LAMA3: variants seen among roughly 807,000 people sequenced by gnomAD.
LAMA3 encodes laminin subunit alpha-3.
Under a neutral mutation model 402.0 loss-of-function variants are expected in LAMA3, and 281 were observed. The ratio of observed to expected loss-of-function variants is 0.70; its 90% CI spans 0.63 to 0.77. The LOEUF (loss-of-function observed/expected upper bound fraction) is 0.77, where lower values mean the gene tolerates loss of function less well. Ranked by LOEUF, LAMA3 falls within the 30% of genes least tolerant of loss-of-function variation. The probability of loss-of-function intolerance (pLI) is 0.00; values close to 1 mark genes in which losing one functional copy is unlikely to be tolerated. For synonymous variants in LAMA3, 1,431 were observed against 1,558.4 expected, an observed-to-expected ratio of 0.92 and a Z score of 1.93; for missense variants, 3,840 against 4,215.5, an observed-to-expected ratio of 0.91 and a Z score of 2.47.
At chr18:23,779,716 T>C in intron 11 of LAMA3, among the ~76,000 whole-genome samples, 1 of 151,646 alleles carries the variant, frequency 6.6e-6, no homozygotes, top group East Asian at 1.9e-4. Context: ...GGGCTCGGGG[T>C]TGAGTAGGGA....
chr18:23,827,761 A>T (rs1214220766), intron 23 of LAMA3, among the ~76,000 whole-genome samples: 1 of 152,110 alleles, frequency 6.6e-6, no homozygotes, highest in African/African-American at 2.4e-5. Context: ...CCTGTTCTAC[A>T]TGATTCAGGG....
intron 60 of LAMA3, 91 bp downstream of exon 60, chr18:23,916,786 G>C: frequency 8.0e-7 from 1 of 1,253,008 alleles, no homozygotes; most frequent in South Asian, 1.2e-5. Flanking sequence ...TGACCCACTA[G>C]ATCTGGAAAA....
At chr18:23,790,349 A>G (rs1050932906) in intron 12 of LAMA3, among the ~76,000 whole-genome samples, 8 of 152,246 alleles carry the variant, frequency 5.3e-5, no homozygotes, top group African/African-American at 1.9e-4. Flanking sequence ...GTGTAGAGAA[A>G]ATAAATCTCT....
At chr18:23,905,162 A>G (rs2081200217) in intron 51 of LAMA3, among the ~76,000 whole-genome samples, 1 of 152,228 alleles carries the variant, frequency 6.6e-6, no homozygotes, top group Admixed American at 6.5e-5. Flanking sequence ...TCAGGGGGAC[A>G]GGCCTTCTTG....
chr18:23,692,530 C>A (rs991463996), intron 1 of LAMA3, among the ~76,000 whole-genome samples: 1 of 152,160 alleles, frequency 6.6e-6, no homozygotes, highest in African/African-American at 2.4e-5. Context: ...CCTTGGCCTC[C>A]CAAAGTGCTA....
intron 13 of LAMA3, 82 bp downstream of exon 13, chr18:23,810,585 C>T: frequency 6.6e-7 from 1 of 1,507,788 alleles, no homozygotes; most frequent in Non-Finnish European, 9.2e-7. Context: ...CCTGCAAATC[C>T]CCCACAGACT....
At chr18:23,849,763 C>T (rs2063902554) in intron 32 of LAMA3, among the ~76,000 whole-genome samples, 1 of 152,166 alleles carries the variant, frequency 6.6e-6, no homozygotes, top group Non-Finnish European at 1.5e-5. Context: ...CTGACAGCAT[C>T]AACAGAAATG....
chr18:23,810,381 C>T lies in LAMA3; in HGVS notation c.1619C>T (p.Ala540Val), dbSNP rs1187541963. 2.5e-6 allele frequency: 4 copies of T among 1,614,022 alleles called. No homozygotes were observed. In the South Asian group the frequency reaches 3.3e-5, roughly 13 times the overall value. Reference sequence around the variant, plus strand: ...TTTCATCCAGCCTGCTGGTGTTCAGCCCTTGGATCCTACCAGATGCCCTGC... The same window carrying T: ...TTTCATCCAGCCTGCTGGTGTTCAGTCCTTGGATCCTACCAGATGCCCTGC... Reference protein sequence around the residue: ...FPICQACWCSALGSYQMPCSS... With the variant: ...FPICQACWCSVLGSYQMPCSS... Residue 540 changes from alanine to valine, a missense_variant, in exon 13 of 75, where the codon GCC becomes GTC. Transcript: ENST00000313654.
At chr18:23,854,178 G>A (rs1045901777) in intron 32 of LAMA3, among the ~76,000 whole-genome samples, 10 of 152,076 alleles carry the variant, frequency 6.6e-5, no homozygotes, top group Non-Finnish European at 1.5e-4. Flanking sequence ...TTACTGACTG[G>A]CCACATCTTC....
chr18:23,814,432 A>G lies in LAMA3; in HGVS notation c.1818A>G (p.Glu606=). 1 of 1,613,674 alleles carries G rather than the reference A, an allele frequency of 6.2e-7. No homozygotes were observed. Among genetic ancestry groups the G allele is most frequent in the African/African-American group, 1.3e-5 (1 of 75,058 alleles). ...LGYCQCKLHV[E]GPTCSRCKLL... is the part of the protein sequence containing the mutation. ...ATTGCCAATGCAAGCTTCATGTTGA[A>G]GGTCCTACTTGTAGCCGCTGCAAAC... is the stretch of plus-strand genomic sequence containing the variant. Residue 606 remains glutamate (E), a synonymous_variant, in exon 15 of 75, where the codon GAA becomes GAG. Transcript: ENST00000313654.
Position 23,827,351 on chromosome 18 carries a change from C to G in LAMA3, c.2707C>G (p.Pro903Ala), listed in dbSNP as rs778714704. 7 of 1,614,078 alleles carry G rather than the reference C, an allele frequency of 4.3e-6. No individual in the cohort carries two copies. In the Admixed American group the frequency reaches 6.7e-5, roughly 15 times the overall value. Residue 903 changes from proline (P) to alanine (A), a missense_variant, in exon 23 of 75, where the codon CCC becomes GCC. Transcript: ENST00000313654. Reference sequence around the variant, plus strand: ...CCAGCATTTGCCAGTGACCAGATTCCCCTGTACCCTGGCTTGTGAGGCCAG... The same window carrying G: ...CCAGCATTTGCCAGTGACCAGATTCGCCTGTACCCTGGCTTGTGAGGCCAG... ...LYQHLPVTRF[P>A]CTLACEARHF...
At chr18:23,824,275 A>G in intron 20 of LAMA3, 148 bp from the exon 21 acceptor site, 1 of 794,150 alleles carries the variant, frequency 1.3e-6, no homozygotes, top group South Asian at 1.5e-5. Flanking sequence ...GCATAGTACA[A>G]TTTTTAAAGA....
At chr18:23,905,847 T>G (rs1261076825) in intron 52 of LAMA3, among the ~76,000 whole-genome samples, 1 of 152,140 alleles carries the variant, frequency 6.6e-6, no homozygotes, top group Non-Finnish European at 1.5e-5. Context: ...TCACTGTAGC[T>G]TTGAACTCCT....
chr18:23,880,628 C>T (rs373093190), intron 39 of LAMA3, among the ~76,000 whole-genome samples: 28 of 152,350 alleles, frequency 1.8e-4, no homozygotes, highest in African/African-American at 4.8e-4. Context: ...CCTATAATCC[C>T]AGCACTTTGG....
Position 23,861,771 on chromosome 18 carries a change from G to T in LAMA3, c.4548G>T (p.Ala1516=). Residue 1516 remains alanine (A), a synonymous_variant, in exon 35 of 75, where the codon GCG becomes GCT. Transcript: ENST00000313654. ...AGCTGCCCGCAACCATCCACAGCGC[G>T]TCCTGGGTCGCACCCACCTCCTACC... ...LQELPATIHS[A]SWVAPTSYLG... The T allele has an allele frequency of 6.2e-7, 1 of 1,613,674 alleles. No homozygotes were observed. The highest frequency in any genetic ancestry group is 8.5e-7 in the Non-Finnish European group (1 of 1,179,812).
Position 23,932,262 on chromosome 18 carries a change from G to A in LAMA3, c.8679G>A (p.Glu2893=), listed in dbSNP as rs2145407275. 1 of 1,614,070 alleles carries A rather than the reference G, an allele frequency of 6.2e-7. No homozygotes were observed. The highest frequency in any genetic ancestry group is 1.1e-5 in the South Asian group (1 of 91,082). Reference sequence around the variant, plus strand: ...TGCGTCTGGGCGGGAGCAATTTTGAGGGTTGTATTAGCAATGTTTTTGTCC... The same window carrying A: ...TGCGTCTGGGCGGGAGCAATTTTGAAGGTTGTATTAGCAATGTTTTTGTCC... ...QSLRLGGSNF[E]GCISNVFVQR... is the part of the protein sequence containing the mutation. The change falls in exon 66 of 75, where the codon GAG becomes GAA. Residue 2893 remains glutamate, a synonymous_variant. Coordinates refer to ENST00000313654, the MANE Select transcript of LAMA3 (RefSeq NM_198129.4).
At chr18:23,850,070 T>C (rs1415524222) in intron 32 of LAMA3, among the ~76,000 whole-genome samples, 2 of 152,190 alleles carry the variant, frequency 1.3e-5, no homozygotes, top group African/African-American at 2.4e-5. Flanking sequence ...ATTTCCTTTA[T>C]GAAGAATATG....
At chr18:23,757,727 G>C (rs1443029605) in intron 6 of LAMA3, among the ~76,000 whole-genome samples, 1 of 152,228 alleles carries the variant, frequency 6.6e-6, no homozygotes, top group Non-Finnish European at 1.5e-5. Flanking sequence ...GAAGGAGGGA[G>C]CTCAAAGCTT....
rs1439162354 is a variant in LAMA3, at chr18:23,907,935, G to A, written c.7015G>A (p.Val2339Met). 2 of 1,613,500 alleles carry A rather than the reference G, an allele frequency of 1.2e-6. No homozygotes were observed. The highest frequency in any genetic ancestry group is 1.7e-5 in the Admixed American group (1 of 60,016). ...KKALTDADNSVNKLTNKLPDL... is the reference protein window; with the variant it reads ...KKALTDADNSMNKLTNKLPDL... ...GGCTCTGACTGATGCAGATAACTCG[G>A]GTATCAGGCGATCTCTGGCCAGGAC... The change falls in exon 54 of 75, where the codon GTG becomes ATG. Residue 2339 changes from valine to methionine, a missense_variant and splice_region_variant. By Grantham distance (21) the Val-to-Met change is conservative. Around this residue, in one of 3 missense-constraint regions of LAMA3, gnomAD observed 891 missense variants for 857.5 expected, o/e 1.04. Transcript: ENST00000313654.
Sources: allele counts gnomAD v4.1 joint callset (sites outside exome capture counted in the v4.1 genomes callset), GRCh38; gene constraint gnomAD v4.1.1; regional missense constraint gnomAD v4.1.1; transcripts MANE v1.5; gene names NCBI Gene and HGNC (gene_info 2026-07-23, HGNC 2026-07-21).